Variants in NR4A3 observed in about 807,000 individuals in gnomAD.
The protein encoded by NR4A3 is nuclear receptor subfamily 4 group A member 3, also known as chondrosarcoma, extraskeletal myxoid, fused to EWS.
NR4A3 carries 13 observed loss-of-function variants against 55.6 expected under a neutral mutation model. The ratio of observed to expected loss-of-function variants is 0.23; its 90% CI spans 0.15 to 0.37. The LOEUF is 0.37. Among genes scored for constraint, NR4A3 ranks in the 10% least tolerant of loss-of-function variants. The pLI, the probability that NR4A3 is intolerant of heterozygous loss-of-function variation, is 1.00. For missense variants in NR4A3, 646 were observed against 822.8 expected (o/e 0.79, Z 2.63); for synonymous variants, 342 against 357.9 (o/e 0.96, Z 0.50).
chr9:99,829,007 GC>G lies in NR4A3; in HGVS notation c.951+19del. The G allele has an allele frequency of 6.0e-6, 8 of 1,328,490 alleles. No homozygotes were observed. Among genetic ancestry groups the G allele is most frequent in the Non-Finnish European group, 7.7e-6 (8 of 1,037,438 alleles). The allele number at this position is 1,328,490 out of a possible 1,614,324, so 82.3% of individuals were successfully genotyped here. A position where few individuals can be genotyped will look rare whatever the true frequency, so the allele number is the denominator to read the frequency against. ...GGCTTTTTCAAGGTGAGCGCACGCC[GC>G]CCCCTCCCCTCCGCACCCAGCCCCC... On this transcript the variant is annotated intron_variant, in intron 3 of 7. Transcript: ENST00000395097.
chr9:99,841,664 T>G (rs147839515), intron 5 of NR4A3, among the ~76,000 whole-genome samples: 220 of 152,296 alleles, frequency 1.4e-3, no homozygotes, highest in African/African-American at 4.6e-3. Context: ...AATCCCAGCA[T>G]AGATTGTAGG....
intron 4 of NR4A3, 68 bp downstream of exon 4, chr9:99,832,886 A>T: frequency 7.4e-7 from 1 of 1,343,332 alleles, no homozygotes; most frequent in Non-Finnish European, 9.9e-7. Flanking sequence ...AAAAAAGCTA[A>T]TATTTACATT....
At chr9:99,854,948 C>A (rs542675067) in intron 7 of NR4A3, among the ~76,000 whole-genome samples, 1 of 143,144 alleles carries the variant, frequency 7.0e-6, no homozygotes, top group African/African-American at 2.6e-5. Context: ...GATATTGATT[C>A]TTCCTACCCA....
intron 6 of NR4A3, among the ~76,000 whole-genome samples, chr9:99,845,076 AGGTCAC>A (rs1327601479): frequency 6.6e-6 from 1 of 152,208 alleles, no homozygotes; most frequent in Non-Finnish European, 1.5e-5. Context: ...CACCCTGAGC[AGGTCAC>A]TTGCCTGACG....
At chr9:99,859,797 T>C (rs539584737) in intron 7 of NR4A3, among the ~76,000 whole-genome samples, 1 of 152,300 alleles carries the variant, frequency 6.6e-6, no homozygotes, top group South Asian at 2.1e-4. Flanking sequence ...TCCTGTATCC[T>C]GATGATGAAT....
chr9:99,845,804 T>C (rs187813697), intron 6 of NR4A3, among the ~76,000 whole-genome samples: 6 of 152,368 alleles, frequency 3.9e-5, no homozygotes. Flanking sequence ...CCATGTTTTA[T>C]ACTCTGAGAC....
At chr9:99,832,644 T>C in intron 3 of NR4A3, 45 bp from the exon 4 acceptor site, 1 of 1,480,744 alleles carries the variant, frequency 6.8e-7, no homozygotes, top group Non-Finnish European at 9.1e-7. Flanking sequence ...GTCCTACCTC[T>C]TTCCAGAAAC....
At position 99,828,555 on chromosome 9, in the gene NR4A3, G is replaced by T. The variant is rs1827363527; in HGVS notation, c.513G>T (p.Pro171=). 1 of 1,504,952 alleles carries T rather than the reference G, an allele frequency of 6.6e-7. No homozygotes were observed. Among genetic ancestry groups the T allele is most frequent in the Admixed American group, 2.1e-5 (1 of 46,810 alleles). 93.2% of individuals were successfully genotyped at this position (1,504,952 alleles called of 1,614,324 possible). The change falls in exon 3 of 8, where the codon CCG becomes CCT. Residue 171 remains proline (P), a synonymous_variant. Transcript: ENST00000395097. The surrounding 1 kb of genome is among the most constrained non-coding windows in gnomAD (Gnocchi z 7.7). ...PSAPGCIAPG[P]LLDPPMKAVP... The stretch of plus-strand genomic sequence containing the variant: ...CGCCCGGCTGCATCGCACCCGGCCC[G>T]CTGCTGGACCCGCCGATGAAGGCGG...
chr9:99,828,732 C>T lies in NR4A3; in HGVS notation c.690C>T (p.Ala230=), dbSNP rs1337382150. The T allele has an allele frequency of 1.1e-5, 15 of 1,306,488 alleles. No individual in the cohort carries two copies. The African/African-American group carries it at 2.2e-4, about 19-fold the overall frequency. The allele number at this position is 1,306,488 out of a possible 1,614,324, so 80.9% of individuals were successfully genotyped here. The change falls in exon 3 of 8, where the codon GCC becomes GCT. Residue 230 remains alanine, a synonymous_variant. Transcript: ENST00000395097. This position sits in a 1 kb window ranked among gnomAD's most constrained non-coding sequence, Gnocchi z 7.7. ...ALSLPLGAAA[A]AGSQAAALES... ...GCCTGCCGCTGGGAGCCGCAGCCGC[C>T]GCGGGCAGCCAGGCCGCCGCGCTTG...
At position 99,822,020 on chromosome 9, in the gene NR4A3, G is replaced by C. The variant is rs1329992688; in HGVS notation, c.-564G>C. ...CACACAGACACAAGCGCGCACACAG[G>C]CTCCGCACACACACTTCGCTCTCCC... is the stretch of plus-strand genomic sequence containing the variant. On this transcript the variant is annotated 5_prime_UTR_variant, in exon 1 of 8. Transcript: ENST00000395097. This position sits in a 1 kb window ranked among gnomAD's most constrained non-coding sequence, Gnocchi z 4.9. The C allele has an allele frequency of 2.0e-5, 3 of 152,420 alleles. No individual in the cohort carries two copies. Among genetic ancestry groups the C allele is most frequent in the Non-Finnish European group, 2.9e-5 (2 of 68,436 alleles). 9.4% of individuals were successfully genotyped at this position (152,420 alleles called of 1,614,324 possible).
intron 5 of NR4A3, chr9:99,834,639 G>A: frequency 3.9e-6 from 1 of 254,824 alleles, no homozygotes; most frequent in Non-Finnish European, 6.2e-6. Flanking sequence ...TCAAGCTTCT[G>A]GCTGAATGGC....
In NR4A3 at chr9:99,822,625, TC is replaced by T; in HGVS notation, c.-177+224del. Among the ~76,000 whole-genome samples, 1 of 152,014 alleles carries T rather than the reference TC, an allele frequency of 6.6e-6. No homozygotes were observed. Among genetic ancestry groups the T allele is most frequent in the South Asian group, 2.1e-4 (1 of 4,808 alleles). ...GGATCTCTGGAGCTCGTGGGATTCCTCCCCCCACTCGAAGAGGCGAAAAGCC... is the reference window on the plus strand; with the variant it reads ...GGATCTCTGGAGCTCGTGGGATTCCTCCCCCACTCGAAGAGGCGAAAAGCC... On this transcript the variant is annotated intron_variant, in intron 1 of 7. Coordinates refer to ENST00000395097, the MANE Select transcript of NR4A3 (RefSeq NM_006981.4). The surrounding 1 kb of genome is among the most constrained non-coding windows in gnomAD (Gnocchi z 4.9).
rs1827370986 is a variant in NR4A3 at position 99,828,701 on chromosome 9, C to T, written c.659C>T (p.Ala220Val). Residue 220 changes from alanine (A) to valine (V), a missense_variant, in exon 3 of 8, where the codon GCG becomes GTG. Transcript: ENST00000395097. The surrounding 1 kb of genome is among the most constrained non-coding windows in gnomAD (Gnocchi z 7.7). ...HLGYDPTAAA[A>V]LSLPLGAAAA... The stretch of plus-strand genomic sequence containing the variant: ...GGCTACGACCCGACGGCCGCTGCCG[C>T]GCTCAGCCTGCCGCTGGGAGCCGCA... 18 of 1,320,638 alleles carry T rather than the reference C, an allele frequency of 1.4e-5. No individual in the cohort carries two copies. The highest frequency in any genetic ancestry group is 1.7e-5 in the Non-Finnish European group (18 of 1,041,762). The allele number at this position is 1,320,638 out of a possible 1,614,324, so 81.8% of individuals were successfully genotyped here.
chr9:99,832,172 A>G (rs1827457872), intron 3 of NR4A3, among the ~76,000 whole-genome samples: 1 of 152,212 alleles, frequency 6.6e-6, no homozygotes, highest in Admixed American at 6.5e-5. Context: ...TTGCATTAAA[A>G]CATTATTTCC....
chr9:99,832,869 T>C, intron 4 of NR4A3, 51 bp downstream of exon 4: 1 of 1,390,966 alleles, frequency 7.2e-7, no homozygotes. Context: ...TTATCAGAAA[T>C]CAGTGAAAAA....
At chr9:99,832,935 ATTTTAT>A (rs981120665) in intron 4 of NR4A3, 117 bp downstream of exon 4, 37 of 915,180 alleles carry the variant, frequency 4.0e-5, no homozygotes, top group Non-Finnish European at 5.5e-5. Context: ...TCCTTTCAAC[ATTTTAT>A]TTTTATCATA....
chr9:99,826,193 G>A (rs1411993998), intron 2 of NR4A3, among the ~76,000 whole-genome samples: 2 of 152,192 alleles, frequency 1.3e-5, no homozygotes, highest in East Asian at 1.9e-4. Flanking sequence ...GCAATACTGA[G>A]CATTTTCATT....
chr9:99,834,789 A>C (rs1394642060), intron 5 of NR4A3: 1 of 985,288 alleles, frequency 1.0e-6, no homozygotes, highest in Admixed American at 6.1e-5. Context: ...TCCTCTCTGC[A>C]CCTGATAACA....
chr9:99,828,861 G>A lies in NR4A3; in HGVS notation c.819G>A (p.Glu273=). The A allele has an allele frequency of 6.7e-7, 1 of 1,498,296 alleles. No homozygotes were observed. The allele number at this position is 1,498,296 out of a possible 1,614,324, so 92.8% of individuals were successfully genotyped here. The part of the protein sequence containing the change: ...PSPTASSLLG[E]SPSLPSPPSR... ...CTACCGCGTCCAGCCTGCTGGGCGA[G>A]AGTCCCAGCCTGCCGTCGCCGCCCA... Residue 273 remains glutamate, a synonymous_variant, in exon 3 of 8, where the codon GAG becomes GAA. Coordinates refer to ENST00000395097, the MANE Select transcript of NR4A3 (RefSeq NM_006981.4). This position sits in a 1 kb window ranked among gnomAD's most constrained non-coding sequence, Gnocchi z 7.7.
Sources: allele counts gnomAD v4.1 joint callset (sites outside exome capture counted in the v4.1 genomes callset), GRCh38; gene constraint gnomAD v4.1.1; non-coding constraint Gnocchi (gnomAD v3.1); transcripts MANE v1.5; gene names NCBI Gene and HGNC (gene_info 2026-07-23, HGNC 2026-07-21).